The following FAM167A variants were observed in gnomAD, a reference collection of about 807,000 sequenced individuals.
FAM167A encodes the protein family with sequence similarity 167 member A, also known as protein FAM167A.
Under a neutral mutation model 14.9 loss-of-function variants are expected in FAM167A, and 23 were observed. The ratio of observed to expected loss-of-function variants is 1.55; its 90% confidence interval spans 1.11 to 2.19. FAM167A has a LOEUF of 2.19. FAM167A is among the 30% of genes most tolerant of loss of function. FAM167A has a pLI of 0.00. For synonymous variants in FAM167A, 174 were observed against 117.7 expected (o/e 1.48, Z -3.10); for missense variants, 401 against 281.5 (o/e 1.42, Z -3.04).
intron 2 of FAM167A, among the ~76,000 whole-genome samples, chr8:11,439,926 C>A (rs1806327405): frequency 6.6e-6 from 1 of 152,136 alleles, no homozygotes; most frequent in African/African-American, 2.4e-5. Flanking sequence ...AAAGCCCGGG[C>A]AGAGGCGTGT....
intron 2 of FAM167A, among the ~76,000 whole-genome samples, chr8:11,426,500 T>G (rs1392092602): frequency 6.6e-6 from 1 of 152,226 alleles, no homozygotes; most frequent in East Asian, 1.9e-4. Flanking sequence ...ACACTCCCAG[T>G]TTCCCAAACC....
chr8:11,475,080 A>G (rs1797824799), intron 1 of FAM167A, among the ~76,000 whole-genome samples: 1 of 152,184 alleles, frequency 6.6e-6, no homozygotes, highest in Admixed American at 6.5e-5. Context: ...TTACTGTCTC[A>G]TAAAGGCCTT....
chr8:11,453,718 C>G (rs1387827016), intron 1 of FAM167A, among the ~76,000 whole-genome samples: 1 of 151,930 alleles, frequency 6.6e-6, no homozygotes, highest in East Asian at 1.9e-4. Flanking sequence ...AATCAAGTTG[C>G]CCCCCGAGAT....
Position 11,444,230 on chromosome 8 carries a change from G to A in FAM167A, c.182C>T (p.Pro61Leu), listed in dbSNP as rs375358571. 31 of 1,611,944 alleles carry A rather than the reference G, an allele frequency of 1.9e-5. No homozygotes were observed. In the South Asian group the frequency reaches 2.1e-4, roughly 11 times the overall value. The change falls in exon 2 of 3, where the codon CCG (proline) becomes CTG (leucine). Residue 61 changes from proline to leucine, a missense_variant. Coordinates refer to ENST00000284486, the MANE Select transcript of FAM167A (RefSeq NM_053279.3). ...CGCCTGTGGCTCCGCAGCCGGCCTC[G>A]GGAAGGGCCAGGTATGCTCCTCCAG... ...ARLEEHTWPF[P>L]RPAAEPQASL...
upstream of FAM167A, among the ~76,000 whole-genome samples, chr8:11,472,146 A>G (rs907112563): frequency 2.6e-5 from 4 of 152,250 alleles, no homozygotes; most frequent in African/African-American, 2.4e-5. Context: ...GGCCTCTCAA[A>G]TGTCAGGCTG....
rs771756028 is a variant in FAM167A at position 11,444,137 on chromosome 8, G to T, written c.275C>A (p.Pro92His). The change falls in exon 2 of 3, where the codon CCC (proline) becomes CAC (histidine). Residue 92 changes from proline (P) to histidine (H), a missense_variant. By Grantham distance (77) the Pro-to-His change is moderately conservative. Transcript: ENST00000284486. ...TTGGCTGGCACTCCTGGCAGAAGGG[G>T]GGTGCTGCCCAGCCTCTCTCAGGGG... ...LLPLREAGQH[P>H]PSARSASQGA... The T allele has an allele frequency of 2.0e-5, 32 of 1,613,114 alleles. No homozygotes were observed. The highest frequency in any genetic ancestry group is 2.6e-5 in the Non-Finnish European group (31 of 1,179,984).
At chr8:11,465,622 A>G (rs1272446482) in intron 1 of FAM167A, among the ~76,000 whole-genome samples, 1 of 152,228 alleles carries the variant, frequency 6.6e-6, no homozygotes, top group Non-Finnish European at 1.5e-5. Flanking sequence ...CTCAGGCAAC[A>G]GGCGCCACAG....
upstream of FAM167A, among the ~76,000 whole-genome samples, chr8:11,470,185 G>C (rs998212337): frequency 9.9e-5 from 15 of 152,192 alleles, no homozygotes; most frequent in African/African-American, 3.6e-4. Flanking sequence ...ACTTGGATTG[G>C]AAGTAATGGC....
intron 1 of FAM167A, among the ~76,000 whole-genome samples, chr8:11,457,302 T>C (rs1412677359): frequency 6.6e-6 from 1 of 151,808 alleles, no homozygotes; most frequent in Non-Finnish European, 1.5e-5. Context: ...GCTGCCGGGG[T>C]TTCCCCTCCC....
At chr8:11,427,017 C>A (rs1023227067) in intron 2 of FAM167A, among the ~76,000 whole-genome samples, 16 of 152,132 alleles carry the variant, frequency 1.1e-4, no homozygotes, top group African/African-American at 3.9e-4. Context: ...GGGTACAGGT[C>A]TGGGGGCCCA....
At chr8:11,443,736 C>T (rs553820312) in intron 2 of FAM167A, 58 of 343,854 alleles carry the variant, frequency 1.7e-4, no homozygotes, top group African/African-American at 1.1e-3. Context: ...GTACTGGGAG[C>T]GGTGTTGGGG....
intron 2 of FAM167A, among the ~76,000 whole-genome samples, chr8:11,431,649 G>T (rs931707839): frequency 7.9e-5 from 12 of 152,094 alleles, no homozygotes; most frequent in African/African-American, 2.9e-4. Context: ...TGCATCCAGG[G>T]GACCTCCTTA....
chr8:11,439,446 G>A (rs1484468774), intron 2 of FAM167A, among the ~76,000 whole-genome samples: 4 of 152,258 alleles, frequency 2.6e-5, no homozygotes, highest in African/African-American at 7.2e-5. Context: ...GCAACAGAGG[G>A]TTAACAGGGA....
intron 2 of FAM167A, among the ~76,000 whole-genome samples, chr8:11,434,323 C>A (rs1054651233): frequency 6.6e-6 from 1 of 152,192 alleles, no homozygotes. Context: ...CCTGGGTTCT[C>A]TTTCAGGCCC....
intron 2 of FAM167A, among the ~76,000 whole-genome samples, chr8:11,428,811 C>T (rs1174590191): frequency 6.6e-6 from 1 of 152,170 alleles, no homozygotes; most frequent in Non-Finnish European, 1.5e-5. Flanking sequence ...GGTGACTTTG[C>T]ACCTTAAACA....
chr8:11,437,934 G>C lies in FAM167A; in HGVS notation c.381+6097C>G, dbSNP rs546762991. 24 of 242,350 alleles carry C rather than the reference G, an allele frequency of 9.9e-5. No individual in the cohort carries two copies. In the East Asian group the frequency reaches 1.3e-3, roughly 13 times the overall value. 15.0% of individuals were successfully genotyped at this position (242,350 alleles called of 1,614,324 possible). A position where few individuals can be genotyped will look rare whatever the true frequency, so the allele number is the denominator to read the frequency against. ...TCATCCACCATCATCCACTCAGCAC[G>C]GCCCTCAGCTCACCAGATCATCTCA... On this transcript the variant is annotated intron_variant, in intron 2 of 2. Coordinates refer to ENST00000284486, the MANE Select transcript of FAM167A (RefSeq NM_053279.3).
chr8:11,467,939 G>A (rs1439926226), upstream of FAM167A, among the ~76,000 whole-genome samples: 6 of 152,340 alleles, frequency 3.9e-5, no homozygotes, highest in East Asian at 1.2e-3. Context: ...AGCATCTTTT[G>A]GAGAGTCACA....
At chr8:11,426,795 G>C (rs1805199522) in intron 2 of FAM167A, among the ~76,000 whole-genome samples, 2 of 152,134 alleles carry the variant, frequency 1.3e-5, no homozygotes, top group African/African-American at 4.8e-5. Flanking sequence ...TGTTTGTTTA[G>C]GGTAGAGGAA....
Position 11,444,398 on chromosome 8 carries a change from TG to T in FAM167A, c.13del (p.Gln5ArgfsTer26). On this transcript the variant is annotated frameshift_variant, in exon 2 of 3. Transcript: ENST00000284486. LOFTEE classifies it high-confidence loss of function. Reference protein sequence around the residue: MSVPQIHVEEVGAEE... With the variant: MSVPXIHVEEVGAEE... ...TGCACCCACTTCTTCCACGTGGATCTGGGGCACAGACATTCTACAGTCTGCC... is the reference window on the plus strand; with the variant it reads ...TGCACCCACTTCTTCCACGTGGATCTGGGCACAGACATTCTACAGTCTGCC... 1 of 1,547,176 alleles carries T rather than the reference TG, an allele frequency of 6.5e-7. No homozygotes were observed. The highest frequency in any genetic ancestry group is 8.7e-7 in the Non-Finnish European group (1 of 1,146,780).
Sources: gnomAD v4.1 joint callset for allele counts (sites outside exome capture counted in the v4.1 genomes callset) on GRCh38, gnomAD v4.1.1 for gene constraint, MANE v1.5 for transcripts, NCBI Gene and HGNC (gene_info 2026-07-23, HGNC 2026-07-21) for gene names.